IQCF3: variants seen among roughly 807,000 people sequenced by gnomAD.
IQCF3 encodes IQ domain-containing protein F3.
IQCF3 carries 7 observed loss-of-function variants against 5.1 expected under a neutral mutation model. The ratio of observed to expected loss-of-function variants is 1.36; its 90% confidence interval spans 0.78 to 2.56. The LOEUF (loss-of-function observed/expected upper bound fraction) is 2.56. Among genes scored for constraint, IQCF3 ranks in the 30% most tolerant of loss-of-function variants. The probability of loss-of-function intolerance (pLI) is 0.00; values close to 1 mark genes in which losing one functional copy is unlikely to be tolerated. For missense variants in IQCF3, 189 were observed against 196.5 expected, an observed-to-expected ratio of 0.96 and a Z score of 0.23; for synonymous variants, 82 against 72.8, an observed-to-expected ratio of 1.13 and a Z score of -0.64.
At position 51,830,748 on chromosome 3, in the gene IQCF3, T is replaced by A. The variant is rs768084805; in HGVS notation, c.412T>A (p.Tyr138Asn). The A allele has an allele frequency of 5.0e-6, 8 of 1,608,944 alleles. No homozygotes were observed. In the East Asian group the frequency reaches 1.8e-4, roughly 36 times the overall value. ...FQTDGFLQVQ[Y>N]AIPSKQPEFH... ...GACTGATGGCTTTTTACAGGTCCAA[T>A]ATGCAATCCCTTCAAAGCAGCCAGA... The change falls in exon 3 of 3, where the codon TAT (tyrosine) becomes AAT (asparagine). Residue 138 changes from tyrosine to asparagine, a missense_variant. Coordinates refer to ENST00000440739, the MANE Select transcript of IQCF3 (RefSeq NM_001393887.1). The surrounding 1 kb of genome is among the most constrained non-coding windows in gnomAD (Gnocchi z 4.1).
At position 51,830,301 on chromosome 3, in the gene IQCF3, C is replaced by G; in HGVS notation, c.67-102C>G. On this transcript the variant is annotated intron_variant, in intron 2 of 2. Transcript: ENST00000440739. This position sits in a 1 kb window ranked among gnomAD's most constrained non-coding sequence, Gnocchi z 4.1. ...TAGAGGACAAACCCCACCCAGGTCT[C>G]CTGGGTCCTCAAAACCAGCAGGGAG... 7.2e-7 allele frequency: 1 copy of G among 1,385,196 alleles called. No homozygotes were observed. The highest frequency in any genetic ancestry group is 2.3e-5 in the East Asian group (1 of 42,872). 85.8% of individuals were successfully genotyped at this position (1,385,196 alleles called of 1,614,324 possible). A position where few individuals can be genotyped will look rare whatever the true frequency, so the allele number is the denominator to read the frequency against.
Position 51,830,366 on chromosome 3 carries a change from A to T in IQCF3, c.67-37A>T, listed in dbSNP as rs561217779. On this transcript the variant is annotated intron_variant, in intron 2 of 2. Coordinates refer to ENST00000440739, the MANE Select transcript of IQCF3 (RefSeq NM_001393887.1). The surrounding 1 kb of genome is among the most constrained non-coding windows in gnomAD (Gnocchi z 4.1). ...AGAGAACCACCTGTGCTTGATGGTG[A>T]TAAATTCACTGGGAGTCCTCTGCTT... 18 of 1,516,388 alleles carry T rather than the reference A, an allele frequency of 1.2e-5. No homozygotes were observed. In the Admixed American group the frequency reaches 4.0e-4, roughly 34 times the overall value. 93.9% of individuals were successfully genotyped at this position (1,516,388 alleles called of 1,614,324 possible). A position where few individuals can be genotyped will look rare whatever the true frequency, so the allele number is the denominator to read the frequency against.
rs781117601 is a variant in IQCF3 at position 51,830,687 on chromosome 3, C to T, written c.351C>T (p.Cys117=). Residue 117 remains cysteine, a synonymous_variant, in exon 3 of 3, where the codon TGC becomes TGT. Transcript: ENST00000440739. The surrounding 1 kb of genome is among the most constrained non-coding windows in gnomAD (Gnocchi z 4.1). ...ACCGCCAAATGTGCAATGCTCTCTG[C>T]TTGTTCCAGGTCCCAGAGAGCAGCC... ...QCYRQMCNAL[C]LFQVPESSLA... is the part of the protein sequence containing the mutation. 2 of 1,614,030 alleles carry T rather than the reference C, an allele frequency of 1.2e-6. No homozygotes were observed. Among genetic ancestry groups the T allele is most frequent in the Non-Finnish European group, 1.7e-6 (2 of 1,179,892 alleles).
Position 51,830,424 on chromosome 3 carries a change from C to A in IQCF3, c.88C>A (p.His30Asn). The change falls in exon 3 of 3, where the codon CAC (histidine) becomes AAC (asparagine). Residue 30 changes from histidine (H) to asparagine (N), a missense_variant. Physicochemically the swap from His to Asn is moderately conservative, Grantham distance 68. Transcript: ENST00000440739. This position sits in a 1 kb window ranked among gnomAD's most constrained non-coding sequence, Gnocchi z 4.1. The stretch of plus-strand genomic sequence containing the variant: ...CCAGTTGCTTCTTGCACAACTGCAT[C>A]ACAGAAAAAGGGTGAAGGCAGCTGG... ...RQKLLLAQLHHRKRVKAAGQI... is the reference protein window; with the variant it reads ...RQKLLLAQLHNRKRVKAAGQI... 6.5e-7 allele frequency: 1 copy of A among 1,550,074 alleles called. No individual in the cohort carries two copies. Among genetic ancestry groups the A allele is most frequent in the Non-Finnish European group, 8.7e-7 (1 of 1,150,940 alleles).
upstream of IQCF3, chr3:51,829,306 G>A (rs75800791): frequency 0.16 from 106,436 of 682,848 alleles, 10,065 homozygotes; most frequent in South Asian, 0.2. Context: ...AGGAGAGCCA[G>A]GTATTTTCTC....
chr3:51,827,949 A>G (rs1056559296), upstream of IQCF3, among the ~76,000 whole-genome samples: 2 of 152,158 alleles, frequency 1.3e-5, no homozygotes, highest in African/African-American at 4.8e-5. Flanking sequence ...TTACTAAGCC[A>G]CTATGAGTCC....
At chr3:51,827,725 T>C (rs1287922926), upstream of IQCF3, among the ~76,000 whole-genome samples, 1 of 152,158 alleles carries the variant, frequency 6.6e-6, no homozygotes, top group Non-Finnish European at 1.5e-5. Context: ...TAAACTCGTG[T>C]CATAGGGGTT....
Position 51,829,445 on chromosome 3 carries a change from G to A in IQCF3, c.-31G>A, listed in dbSNP as rs1698333954. Reference sequence around the variant, plus strand: ...AAGATCAGGAAACAGCAACCAGAGGGAGATGATCACCTGAACCACTGCTCC... The same window carrying A: ...AAGATCAGGAAACAGCAACCAGAGGAAGATGATCACCTGAACCACTGCTCC... On this transcript the variant is annotated 5_prime_UTR_variant, in exon 1 of 3. Transcript: ENST00000440739. The A allele has an allele frequency of 6.3e-7, 1 of 1,590,860 alleles. No homozygotes were observed. The highest frequency in any genetic ancestry group is 8.6e-7 in the Non-Finnish European group (1 of 1,168,686).
In IQCF3 at chr3:51,830,287, C is replaced by A; in HGVS notation, c.67-116C>A. On this transcript the variant is annotated intron_variant, in intron 2 of 2. Transcript: ENST00000440739. This position sits in a 1 kb window ranked among gnomAD's most constrained non-coding sequence, Gnocchi z 4.1. ...GAACAGGACAGAAGTAGAGGACAAACCCCACCCAGGTCTCCTGGGTCCTCA... is the reference window on the plus strand; with the variant it reads ...GAACAGGACAGAAGTAGAGGACAAAACCCACCCAGGTCTCCTGGGTCCTCA... 1.7e-6 allele frequency: 2 copies of A among 1,191,600 alleles called. No individual in the cohort carries two copies. Among genetic ancestry groups the A allele is most frequent in the Non-Finnish European group, 2.3e-6 (2 of 853,536 alleles). 73.8% of individuals were successfully genotyped at this position (1,191,600 alleles called of 1,614,324 possible). A position where few individuals can be genotyped will look rare whatever the true frequency, so the allele number is the denominator to read the frequency against.
rs556569865 is a variant in IQCF3 at position 51,830,103 on chromosome 3, T to C, written c.67-300T>C. 1.8e-4 allele frequency among the ~76,000 whole-genome samples: 27 copies of C among 152,236 alleles called. No individual in the cohort carries two copies. Among genetic ancestry groups the C allele is most frequent in the African/African-American group, 6.3e-4 (26 of 41,552 alleles). On this transcript the variant is annotated intron_variant, in intron 2 of 2. Transcript: ENST00000440739. This position sits in a 1 kb window ranked among gnomAD's most constrained non-coding sequence, Gnocchi z 4.1. ...ATAAATGCAGAGGTTCATGGATTCT[T>C]ATAAGAATCCTTCAGTTCCTCACAC...
At chr3:51,828,111 T>A (rs1559721291), upstream of IQCF3, 1 of 152,146 alleles carries the variant, frequency 6.6e-6, no homozygotes, top group African/African-American at 2.4e-5. Context: ...GATTCCTTTG[T>A]TTGTGGGATG....
chr3:51,830,003 C>A lies in IQCF3; in HGVS notation c.66+291C>A. On this transcript the variant is annotated intron_variant, in intron 2 of 2. Coordinates refer to ENST00000440739, the MANE Select transcript of IQCF3 (RefSeq NM_001393887.1). This position sits in a 1 kb window ranked among gnomAD's most constrained non-coding sequence, Gnocchi z 4.1. ...TCCACAAAAGTGAGATGAGGGGAGA[C>A]CCCAAAGGGCTGCAGCACCACGCAA... The A allele has an allele frequency of 4.1e-6, 2 of 492,930 alleles. No individual in the cohort carries two copies. Among genetic ancestry groups the A allele is most frequent in the Non-Finnish European group, 7.3e-6 (2 of 273,164 alleles). 30.5% of individuals were successfully genotyped at this position (492,930 alleles called of 1,614,324 possible). A position where few individuals can be genotyped will look rare whatever the true frequency, so the allele number is the denominator to read the frequency against.
intron 2 of IQCF3, chr3:51,829,971 G>A: frequency 3.8e-6 from 2 of 528,182 alleles, no homozygotes; most frequent in Non-Finnish European, 6.8e-6. Context: ...AGACATGGTA[G>A]TGGAAGTCCA....
At chr3:51,829,587 G>T in intron 1 of IQCF3, 78 bp from the exon 2 acceptor site, 1 of 1,594,356 alleles carries the variant, frequency 6.3e-7, no homozygotes, top group East Asian at 2.3e-5. Context: ...GGCAAAGAAT[G>T]GGGAACTGGG....
rs1434763862 is a variant in IQCF3, at chr3:51,830,697, G to A, written c.361G>A (p.Val121Ile). 1 of 1,613,864 alleles carries A rather than the reference G, an allele frequency of 6.2e-7. No individual in the cohort carries two copies. The highest frequency in any genetic ancestry group is 8.5e-7 in the Non-Finnish European group (1 of 1,179,900). Reference sequence around the variant, plus strand: ...GTGCAATGCTCTCTGCTTGTTCCAGGTCCCAGAGAGCAGCCTTGCCTTCCA... The same window carrying A: ...GTGCAATGCTCTCTGCTTGTTCCAGATCCCAGAGAGCAGCCTTGCCTTCCA... ...QMCNALCLFQ[V>I]PESSLAFQTD... Residue 121 changes from valine to isoleucine, a missense_variant, in exon 3 of 3, where the codon GTC becomes ATC. Transcript: ENST00000440739. The surrounding 1 kb of genome is among the most constrained non-coding windows in gnomAD (Gnocchi z 4.1).
rs186700809 is a variant in IQCF3, at chr3:51,830,664, C to A, written c.328C>A (p.Arg110Ser). ...IRMWQCRQCYRQMCNALCLFQ... is the reference protein window; with the variant it reads ...IRMWQCRQCYSQMCNALCLFQ... ...CATGTGGCAGTGCCGGCAATGTTAC[C>A]GCCAAATGTGCAATGCTCTCTGCTT... The change falls in exon 3 of 3, where the codon CGC (arginine) becomes AGC (serine). Residue 110 changes from arginine (R) to serine (S), a missense_variant. By Grantham distance (110) the Arg-to-Ser change is moderately radical. Coordinates refer to ENST00000440739, the MANE Select transcript of IQCF3 (RefSeq NM_001393887.1). The surrounding 1 kb of genome is among the most constrained non-coding windows in gnomAD (Gnocchi z 4.1). The A allele has an allele frequency of 6.2e-7, 1 of 1,614,040 alleles. No individual in the cohort carries two copies. The highest frequency in any genetic ancestry group is 8.5e-7 in the Non-Finnish European group (1 of 1,179,896).
chr3:51,829,888 C>A, intron 2 of IQCF3, 176 bp downstream of exon 2: 1 of 644,540 alleles, frequency 1.6e-6, no homozygotes, highest in Non-Finnish European at 2.7e-6. Context: ...GAGGAAGTTT[C>A]GTGCGCACAG....
At chr3:51,828,071 A>G (rs1489179398), upstream of IQCF3, 1 of 152,068 alleles carries the variant, frequency 6.6e-6, no homozygotes, top group Non-Finnish European at 1.5e-5. Context: ...CAGTGCAAGA[A>G]CCGACTAATA....
chr3:51,830,611 C>T lies in IQCF3; in HGVS notation c.275C>T (p.Ala92Val), dbSNP rs559038253. 45 of 1,613,840 alleles carry T rather than the reference C, an allele frequency of 2.8e-5. No homozygotes were observed. The Middle Eastern group carries it at 4.9e-4, about 18-fold the overall frequency. ...LLRVYVIQEQATVKLQSCIRM... is the reference protein window; with the variant it reads ...LLRVYVIQEQVTVKLQSCIRM... ...AGGGTCTACGTCATCCAGGAGCAGG[C>T]GACGGTCAAGCTCCAGTCCTGCATC... Residue 92 changes from alanine (A) to valine (V), a missense_variant, in exon 3 of 3, where the codon GCG becomes GTG. Ala to Val is a moderately conservative substitution (Grantham distance 64). Coordinates refer to ENST00000440739, the MANE Select transcript of IQCF3 (RefSeq NM_001393887.1). This position sits in a 1 kb window ranked among gnomAD's most constrained non-coding sequence, Gnocchi z 4.1.
Sources: allele counts gnomAD v4.1 joint callset (sites outside exome capture counted in the v4.1 genomes callset), GRCh38; gene constraint gnomAD v4.1.1; non-coding constraint Gnocchi (gnomAD v3.1); transcripts MANE v1.5; gene names NCBI Gene and HGNC (gene_info 2026-07-23, HGNC 2026-07-21).